BCR: variants seen among roughly 807,000 people sequenced by gnomAD.
BCR encodes the protein BCR activator of RhoGEF and GTPase.
Under a neutral mutation model 138.6 loss-of-function variants are expected in BCR, and 58 were observed. The ratio of observed to expected loss-of-function variants is 0.42; its 90% CI spans 0.34 to 0.52. The LOEUF (loss-of-function observed/expected upper bound fraction) is 0.52. BCR is among the 20% of genes least tolerant of loss of function. The pLI, the probability that BCR is intolerant of heterozygous loss-of-function variation, is 0.06. For synonymous variants in BCR, 786 were observed against 730.1 expected (o/e 1.08, Z -1.23); for missense variants, 1,599 against 1,727.2 (o/e 0.93, Z 1.32).
chr22:23,213,115 T>A (rs1179393698), intron 1 of BCR, among the ~76,000 whole-genome samples: 3 of 152,228 alleles, frequency 2.0e-5, no homozygotes, highest in African/African-American at 4.8e-5. Flanking sequence ...CTTGGGCTCA[T>A]TCACCTGACT....
rs763265288 is a variant in BCR, at chr22:23,315,428, G to C, written c.3727-5G>C. 6.2e-7 allele frequency: 1 copy of C among 1,613,512 alleles called. No individual in the cohort carries two copies. The highest frequency in any genetic ancestry group is 8.5e-7 in the Non-Finnish European group (1 of 1,179,920). On this transcript the variant is annotated splice_region_variant and splice_polypyrimidine_tract_variant and intron_variant, in intron 22 of 22. Coordinates refer to ENST00000305877, the MANE Select transcript of BCR (RefSeq NM_004327.4). ...ACTCTTCTCTTCCCTACTCTGCCCG[G>C]GCAGGTCCAGGTGCTGCTGTACTTC...
At chr22:23,186,701 T>C (rs528776463) in intron 1 of BCR, among the ~76,000 whole-genome samples, 1 of 152,316 alleles carries the variant, frequency 6.6e-6, no homozygotes, top group East Asian at 1.9e-4. Context: ...TGTTCATCCA[T>C]GTGATGGCAG....
At chr22:23,202,757 A>G (rs529915022) in intron 1 of BCR, among the ~76,000 whole-genome samples, 8,099 of 92,144 alleles carry the variant, frequency 0.088, 732 homozygotes, top group African/African-American at 0.28. Flanking sequence ...GTATATATAT[A>G]TATATTTAAT....
At position 23,289,631 on chromosome 22, in the gene BCR, C is replaced by CT; in HGVS notation, c.2707+10_2707+11insT. The CT allele has an allele frequency of 1.2e-6, 2 of 1,610,648 alleles. No individual in the cohort carries two copies. The highest frequency in any genetic ancestry group is 4.5e-5 in the East Asian group (2 of 44,872). On this transcript the variant is annotated intron_variant, in intron 13 of 22. Transcript: ENST00000305877. ...ACCATCAATAAGGAAGGTGGGCCCC[C>CT]CCGTTTCCGTGTACAGGGCACCTGC...
intron 4 of BCR, 147 bp downstream of exon 4, chr22:23,261,687 C>T: frequency 1.3e-6 from 1 of 795,672 alleles, no homozygotes; most frequent in Non-Finnish European, 1.9e-6. Flanking sequence ...CTGCCTCAGC[C>T]TCCCAAAGTA....
At chr22:23,196,098 C>T (rs1022972284) in intron 1 of BCR, among the ~76,000 whole-genome samples, 5 of 152,170 alleles carry the variant, frequency 3.3e-5, no homozygotes, top group African/African-American at 1.2e-4. Flanking sequence ...TAGTAAAATA[C>T]ACATACTCTA....
intron 1 of BCR, among the ~76,000 whole-genome samples, chr22:23,249,168 G>A (rs1049537972): frequency 8.6e-5 from 13 of 152,018 alleles, no homozygotes; most frequent in Admixed American, 5.2e-4. Context: ...GGTGGCTCAC[G>A]CCTGTAATCC....
intron 4 of BCR, chr22:23,264,281 C>A: frequency 1.1e-6 from 1 of 920,260 alleles, no homozygotes; most frequent in Admixed American, 1.7e-5. Context: ...GCCCTGTGTA[C>A]TGCCTGCATC....
At chr22:23,185,084 A>G (rs1308288837) in intron 1 of BCR, among the ~76,000 whole-genome samples, 2 of 152,120 alleles carry the variant, frequency 1.3e-5, no homozygotes, top group African/African-American at 2.4e-5. Flanking sequence ...CACGGTGACA[A>G]AGTGCTTCCC....
chr22:23,284,838 CAG>C (rs1416652852), intron 9 of BCR, among the ~76,000 whole-genome samples, 193 bp from the exon 10 acceptor site: 1 of 152,192 alleles, frequency 6.6e-6, no homozygotes, highest in East Asian at 1.9e-4. Context: ...GTCACATGTT[CAG>C]AGTGTCTGTT....
intron 1 of BCR, chr22:23,198,110 A>C: frequency 3.6e-6 from 1 of 279,032 alleles, no homozygotes; most frequent in Non-Finnish European, 7.2e-6. Flanking sequence ...GCTAAAAGGA[A>C]GTGACTGTTA....
At chr22:23,278,149 C>T (rs1433347215) in intron 8 of BCR, among the ~76,000 whole-genome samples, 1 of 152,250 alleles carries the variant, frequency 6.6e-6, no homozygotes, top group Non-Finnish European at 1.5e-5. Flanking sequence ...GGAGCCTTGG[C>T]ACCACGTGCT....
chr22:23,262,675 G>A, intron 4 of BCR: 1 of 661,200 alleles, frequency 1.5e-6, no homozygotes, highest in Non-Finnish European at 1.9e-6. Flanking sequence ...GCCGCTGGGT[G>A]TGGGGCCGCC....
In BCR at chr22:23,261,517, G is replaced by A; in HGVS notation, c.1729G>A (p.Val577Met). 1 of 1,612,788 alleles carries A rather than the reference G, an allele frequency of 6.2e-7. No homozygotes were observed. The highest frequency in any genetic ancestry group is 8.5e-7 in the Non-Finnish European group (1 of 1,180,016). The change falls in exon 4 of 23, where the codon GTG (valine) becomes ATG (methionine). Residue 577 changes from valine to methionine, a missense_variant. Val to Met is a conservative substitution (Grantham distance 21). Around this residue, in one of 4 missense-constraint regions of BCR, gnomAD observed 590 missense variants for 762.4 expected, o/e 0.77. Transcript: ENST00000305877. The stretch of plus-strand genomic sequence containing the variant: ...GCAGCAGTGGAGCCACCAGCAGCGG[G>A]TGGGCGACCTCTTCCAGAAGCTGGT... The part of the protein sequence containing the change: ...RVQQWSHQQR[V>M]GDLFQKLASQ...
rs944426162 is a variant in BCR, at chr22:23,299,702, A to G, written c.3012+4547A>G. ...TTTAATGGATCTAGAGTTTATATATATATATATATATATATAGTAAAATAT... is the reference window on the plus strand; with the variant it reads ...TTTAATGGATCTAGAGTTTATATATGTATATATATATATATAGTAAAATAT... On this transcript the variant is annotated intron_variant, in intron 16 of 22. Coordinates refer to ENST00000305877, the MANE Select transcript of BCR (RefSeq NM_004327.4). Among the ~76,000 whole-genome samples, 46 of 66,598 alleles carry G rather than the reference A, an allele frequency of 6.9e-4. 1 individual carries two copies. The highest frequency in any genetic ancestry group is 5.3e-4 in the Non-Finnish European group (17 of 31,914). The allele number at this position is 66,598 out of a possible 152,430, so 43.7% of individuals were successfully genotyped here. A position where few individuals can be genotyped will look rare whatever the true frequency, so the allele number is the denominator to read the frequency against.
At chr22:23,269,494 C>T (rs2146285449) in intron 5 of BCR, among the ~76,000 whole-genome samples, 1 of 152,344 alleles carries the variant, frequency 6.6e-6, no homozygotes, top group East Asian at 1.9e-4. Context: ...CACCCCTGGG[C>T]TTTGTTGCTG....
At chr22:23,268,603 A>T in intron 5 of BCR, 88 bp downstream of exon 5, 6 of 1,138,856 alleles carry the variant, frequency 5.3e-6, no homozygotes, top group Non-Finnish European at 7.7e-6. Context: ...GCACCAGATC[A>T]AGATCTGGTC....
chr22:23,309,474 C>T lies in BCR; in HGVS notation c.3063C>T (p.Ala1021=). The part of the protein sequence containing the change: ...QDRDWQRTVI[A]MNGIEVKLSV... ...GAGACTGGCAGCGCACCGTCATCGCCATGAATGGGGTACGTGTCCGTGGGA... is the reference window on the plus strand; with the variant it reads ...GAGACTGGCAGCGCACCGTCATCGCTATGAATGGGGTACGTGTCCGTGGGA... The change falls in exon 17 of 23, where the codon GCC becomes GCT. Residue 1021 remains alanine (A), a synonymous_variant. Coordinates refer to ENST00000305877, the MANE Select transcript of BCR (RefSeq NM_004327.4). 2 of 1,601,440 alleles carry T rather than the reference C, an allele frequency of 1.2e-6. No homozygotes were observed. Among genetic ancestry groups the T allele is most frequent in the Non-Finnish European group, 1.7e-6 (2 of 1,173,534 alleles).
intron 1 of BCR, among the ~76,000 whole-genome samples, chr22:23,220,936 C>G (rs528821243): frequency 2.0e-4 from 31 of 152,272 alleles, no homozygotes; most frequent in Non-Finnish European, 4.1e-4. Context: ...AGGAGTTGCT[C>G]TCACGTCGTT....
Sources: gnomAD v4.1 joint callset for allele counts (sites outside exome capture counted in the v4.1 genomes callset) on GRCh38, gnomAD v4.1.1 for gene constraint, gnomAD v4.1.1 regional missense constraint, MANE v1.5 for transcripts, NCBI Gene and HGNC (gene_info 2026-07-23, HGNC 2026-07-21) for gene names.